The following PRKN variants were observed in gnomAD, a reference collection of about 807,000 sequenced individuals.
PRKN encodes the protein parkin RBR E3 ubiquitin protein ligase, also known as E3 ubiquitin-protein ligase parkin.
A neutral mutation model predicts 59.5 loss-of-function variants in PRKN; 56 were observed. That is an observed-to-expected ratio of 0.94 (90% CI 0.76 to 1.18). The LOEUF is 1.18. PRKN is among the 50% of genes most tolerant of loss of function. PRKN has a pLI of 0.00. For synonymous variants in PRKN, 250 were observed against 222.1 expected, an observed-to-expected ratio of 1.13 and a Z score of -1.12; for missense variants, 657 against 596.4, an observed-to-expected ratio of 1.10 and a Z score of -1.06.
chr6:162,282,965 T>C (rs955572586), intron 2 of PRKN, among the ~76,000 whole-genome samples: 1 of 151,984 alleles, frequency 6.6e-6, no homozygotes, highest in Non-Finnish European at 1.5e-5. Context: ...TAATTCCTGA[T>C]AAGCTTTCCT....
intron 1 of PRKN, among the ~76,000 whole-genome samples, chr6:162,585,809 C>T (rs1344298102): frequency 6.6e-6 from 1 of 152,032 alleles, no homozygotes; most frequent in East Asian, 1.9e-4. Context: ...TCGAAGCCAT[C>T]TCCTGCCTCA....
chr6:162,471,256 C>T (rs982421565), intron 1 of PRKN, among the ~76,000 whole-genome samples: 8 of 151,790 alleles, frequency 5.3e-5, no homozygotes, highest in African/African-American at 1.9e-4. Flanking sequence ...TGCCACCGCT[C>T]CCGGCTAATT....
intron 9 of PRKN, among the ~76,000 whole-genome samples, chr6:161,485,250 G>T (rs1190380889): frequency 6.6e-6 from 1 of 152,184 alleles, no homozygotes; most frequent in African/African-American, 2.4e-5. Flanking sequence ...AGTAGGCAGA[G>T]AGTGCCTTGC....
chr6:161,568,420 C>T (rs1263559350), intron 8 of PRKN, among the ~76,000 whole-genome samples: 2 of 152,066 alleles, frequency 1.3e-5, no homozygotes, highest in Admixed American at 6.5e-5. Context: ...GGTGAAACTC[C>T]GTCTCTACCA....
At chr6:161,654,412 A>G (rs1475571793) in intron 7 of PRKN, among the ~76,000 whole-genome samples, 2 of 152,104 alleles carry the variant, frequency 1.3e-5, no homozygotes, top group East Asian at 1.9e-4. Context: ...GGGAGGACGC[A>G]CTGATGACAC....
intron 6 of PRKN, among the ~76,000 whole-genome samples, chr6:161,874,258 T>TATATAATATATATTAC (rs1794533336): frequency 7.5e-5 from 1 of 13,286 alleles, no homozygotes; most frequent in African/African-American, 1.5e-4. Flanking sequence ...ATATATATTA[T>TATATAATATATATTAC]ATGTAAAATA....
At chr6:162,462,926 T>G (rs1157434319) in intron 1 of PRKN, among the ~76,000 whole-genome samples, 1 of 152,042 alleles carries the variant, frequency 6.6e-6, no homozygotes, top group African/African-American at 2.4e-5. Context: ...ACATCCCATC[T>G]CTACTAAAAA....
intron 1 of PRKN, among the ~76,000 whole-genome samples, chr6:162,679,869 C>G (rs533552007): frequency 3.3e-5 from 5 of 152,152 alleles, no homozygotes; most frequent in African/African-American, 1.2e-4. Flanking sequence ...TGAGGAAGAA[C>G]AGGCCAGTGA....
chr6:161,420,013 C>T (rs867000807), intron 9 of PRKN, among the ~76,000 whole-genome samples: 2 of 151,802 alleles, frequency 1.3e-5, no homozygotes, highest in African/African-American at 2.4e-5. Context: ...CTGAGGAGGG[C>T]GGATCACGAG....
intron 4 of PRKN, among the ~76,000 whole-genome samples, chr6:162,153,168 C>T (rs1025593030): frequency 6.6e-6 from 1 of 152,240 alleles, no homozygotes; most frequent in African/African-American, 2.4e-5. Flanking sequence ...TTTACTCAGC[C>T]CACCATGCTA....
chr6:161,838,709 C>T (rs1025171385), intron 6 of PRKN, among the ~76,000 whole-genome samples: 2 of 152,222 alleles, frequency 1.3e-5, no homozygotes, highest in Non-Finnish European at 2.9e-5. Context: ...ACTGGCTGGC[C>T]CAGTGCCACA....
At chr6:161,887,582 C>T (rs1343870433) in intron 6 of PRKN, among the ~76,000 whole-genome samples, 3 of 152,130 alleles carry the variant, frequency 2.0e-5, no homozygotes, top group Non-Finnish European at 4.4e-5. Flanking sequence ...ATAAGAGATG[C>T]ATTCAACAAT....
Position 161,370,424 on chromosome 6 carries a change from CAAAAAAAA to C in PRKN, c.1168-10227_1168-10220del, listed in dbSNP as rs71004046. The stretch of plus-strand genomic sequence containing the variant: ...TGAAACCCCATCTCTACTCAAAATA[CAAAAAAAA>C]AAAAAAAAAATTAGCCGGGCGTGGT... On this transcript the variant is annotated intron_variant, in intron 10 of 11. Coordinates refer to ENST00000366898, the MANE Select transcript of PRKN (RefSeq NM_004562.3). Among the ~76,000 whole-genome samples, 5 of 120,942 alleles carry C rather than the reference CAAAAAAAA, an allele frequency of 4.1e-5. No homozygotes were observed. In the East Asian group the frequency reaches 1.1e-3, roughly 26 times the overall value. 79.3% of individuals were successfully genotyped at this position (120,942 alleles called of 152,430 possible). A position where few individuals can be genotyped will look rare whatever the true frequency, so the allele number is the denominator to read the frequency against.
chr6:161,495,270 G>A (rs73782912), intron 9 of PRKN, among the ~76,000 whole-genome samples: 15,318 of 152,126 alleles, frequency 0.1, 1,120 homozygotes, highest in African/African-American at 0.21. Context: ...CCACTGCATT[G>A]CCCGGCATAT....
In PRKN at chr6:162,065,236, T is replaced by C. The variant is rs893336372; in HGVS notation, c.535-11062A>G. Reference sequence around the variant, plus strand: ...AGCCAACAGTGCAGGCTTCAGTCTGTGGCTGAAGACCTGAGAGCCCCTGGC... The same window carrying C: ...AGCCAACAGTGCAGGCTTCAGTCTGCGGCTGAAGACCTGAGAGCCCCTGGC... On this transcript the variant is annotated intron_variant, in intron 4 of 11. Coordinates refer to ENST00000366898, the MANE Select transcript of PRKN (RefSeq NM_004562.3). 2.6e-5 allele frequency among the ~76,000 whole-genome samples: 4 copies of C among 152,200 alleles called. No homozygotes were observed. The East Asian group carries it at 7.7e-4, about 29-fold the overall frequency.
chr6:162,154,633 T>A (rs1782424790), intron 4 of PRKN, among the ~76,000 whole-genome samples: 1 of 152,200 alleles, frequency 6.6e-6, no homozygotes, highest in Non-Finnish European at 1.5e-5. Flanking sequence ...TGCATTTGCC[T>A]TGGTACTAGT....
At chr6:161,943,371 T>C (rs575352155) in intron 6 of PRKN, among the ~76,000 whole-genome samples, 2 of 152,398 alleles carry the variant, frequency 1.3e-5, no homozygotes, top group East Asian at 3.9e-4. Flanking sequence ...AGAACAATGA[T>C]ATTATTTGTC....
rs1293199262 is a variant in PRKN at position 161,347,844 on chromosome 6, C to T, written c.*2255G>A. 1.3e-5 allele frequency: 2 copies of T among 153,126 alleles called. No individual in the cohort carries two copies. Among genetic ancestry groups the T allele is most frequent in the Non-Finnish European group, 2.9e-5 (2 of 68,770 alleles). 9.5% of individuals were successfully genotyped at this position (153,126 alleles called of 1,614,324 possible). On this transcript the variant is annotated 3_prime_UTR_variant, in exon 12 of 12. Transcript: ENST00000366898. The stretch of plus-strand genomic sequence containing the variant: ...TCTTGGCCAGGCTGGTCTTGAACTC[C>T]TGACCTCGTGATCCACCCACCTCGG...
chr6:162,384,723 C>G (rs7764714), intron 2 of PRKN, among the ~76,000 whole-genome samples: 63,116 of 150,118 alleles, frequency 0.42, 13,957 homozygotes, highest in East Asian at 0.71. Context: ...GTAAAATGAG[C>G]TGTGCCTGTG....
Sources: gnomAD v4.1 joint callset for allele counts (sites outside exome capture counted in the v4.1 genomes callset) on GRCh38, gnomAD v4.1.1 for gene constraint, MANE v1.5 for transcripts, NCBI Gene and HGNC (gene_info 2026-07-23, HGNC 2026-07-21) for gene names.